The following SH3RF3 variants were observed in gnomAD, a reference collection of about 807,000 sequenced individuals.
SH3RF3 encodes the protein SH3 domain containing ring finger 3.
A neutral mutation model predicts 66.3 loss-of-function variants in SH3RF3; 29 were observed. The observed-to-expected ratio is 0.44, with a 90% CI of 0.33 to 0.60. The LOEUF (loss-of-function observed/expected upper bound fraction) is 0.60. SH3RF3 is among the 20% of genes least tolerant of loss of function. The pLI, the probability that SH3RF3 is intolerant of heterozygous loss-of-function variation, is 0.04. For synonymous variants in SH3RF3, 583 were observed against 532.0 expected (o/e 1.10, Z -1.32); for missense variants, 1,194 against 1,190.9 (o/e 1.00, Z -0.04).
intron 1 of SH3RF3, among the ~76,000 whole-genome samples, chr2:109,234,324 G>A (rs1297515079): frequency 6.6e-6 from 1 of 152,214 alleles, no homozygotes; most frequent in South Asian, 2.1e-4. Context: ...GTTAGATGAA[G>A]TGAAACTGTT....
intron 1 of SH3RF3, among the ~76,000 whole-genome samples, chr2:109,343,786 C>G: frequency 6.6e-6 from 1 of 151,818 alleles, no homozygotes; most frequent in Non-Finnish European, 1.5e-5. Context: ...GCCCTGTCAC[C>G]TAGGCTGGAG....
At chr2:109,158,370 G>A (rs1677401515) in intron 1 of SH3RF3, among the ~76,000 whole-genome samples, 1 of 152,204 alleles carries the variant, frequency 6.6e-6, no homozygotes, top group Non-Finnish European at 1.5e-5. Flanking sequence ...ATCCTGGGGA[G>A]AATCCAGTGT....
chr2:109,418,658 T>G (rs1457585786), intron 4 of SH3RF3, among the ~76,000 whole-genome samples: 1 of 152,190 alleles, frequency 6.6e-6, no homozygotes, highest in Non-Finnish European at 1.5e-5. Context: ...TTACCTCATA[T>G]CTGCAAAGAC....
Position 109,190,626 on chromosome 2 carries a change from C to T in SH3RF3, c.573+60513C>T, listed in dbSNP as rs556228858. Among the ~76,000 whole-genome samples, 10 of 152,192 alleles carry T rather than the reference C, an allele frequency of 6.6e-5. No homozygotes were observed. The South Asian group carries it at 1.0e-3, about 16-fold the overall frequency. ...CCCATTGCAACTAATTATATTGCAG[C>T]GACTTGGTGAAAATCTTTCTTATTG... On this transcript the variant is annotated intron_variant, in intron 1 of 9. Transcript: ENST00000309415.
chr2:109,173,035 C>A (rs548161994), intron 1 of SH3RF3, among the ~76,000 whole-genome samples: 1 of 152,282 alleles, frequency 6.6e-6, no homozygotes, highest in South Asian at 2.1e-4. Flanking sequence ...GTTGGTCATC[C>A]CTGGGTGGTG....
At chr2:109,372,994 T>C (rs1683307804) in intron 3 of SH3RF3, among the ~76,000 whole-genome samples, 1 of 152,230 alleles carries the variant, frequency 6.6e-6, no homozygotes, top group African/African-American at 2.4e-5. Flanking sequence ...CCATAGTCTA[T>C]TTTGCAGCCT....
intron 1 of SH3RF3, among the ~76,000 whole-genome samples, chr2:109,282,244 A>G (rs993375102): frequency 1.3e-5 from 2 of 152,112 alleles, no homozygotes; most frequent in Admixed American, 6.5e-5. Context: ...ACATTAATGT[A>G]GGGAGATATT....
At chr2:109,406,192 T>C (rs967649127) in intron 4 of SH3RF3, among the ~76,000 whole-genome samples, 7 of 152,160 alleles carry the variant, frequency 4.6e-5, no homozygotes, top group African/African-American at 1.7e-4. Context: ...ATCATTCACA[T>C]GTCAGTGCTC....
chr2:109,199,624 G>GATTCAACCCA (rs1678608839), intron 1 of SH3RF3, among the ~76,000 whole-genome samples: 1 of 104 alleles, frequency 9.6e-3, no homozygotes, highest in Admixed American at 0.083. Context: ...GAATGGAATG[G>GATTCAACCCA]AATGGAATGG....
At chr2:109,460,295 A>G (rs11680908) in intron 8 of SH3RF3, among the ~76,000 whole-genome samples, 11,382 of 152,250 alleles carry the variant, frequency 0.075, 499 homozygotes, top group African/African-American at 0.11. Context: ...ACAAAACACC[A>G]TTGCCCCTTC....
At chr2:109,248,877 TTCCTGTCCTTTCCTGTCCTG>T (rs1558980672) in intron 1 of SH3RF3, among the ~76,000 whole-genome samples, 1 of 76,734 alleles carries the variant, frequency 1.3e-5, no homozygotes, top group Non-Finnish European at 2.6e-5. Flanking sequence ...TTCCTTTCCT[TTCCTGTCCTTTCCTGTCCTG>T]TCCTGTCCTG....
chr2:109,171,597 C>T (rs1246580310), intron 1 of SH3RF3, among the ~76,000 whole-genome samples: 1 of 152,210 alleles, frequency 6.6e-6, no homozygotes, highest in African/African-American at 2.4e-5. Context: ...CTTCTCGCCG[C>T]CCCTGGTCTG....
Position 109,201,261 on chromosome 2 carries a change from C to T in SH3RF3, c.573+71148C>T, listed in dbSNP as rs74569923. 7.9e-3 allele frequency among the ~76,000 whole-genome samples: 1,205 copies of T among 152,370 alleles called. 11 individuals are homozygous for T. The highest frequency in any genetic ancestry group is 0.036 in the East Asian group (187 of 5,184). ...CTCATTTTGCAAAGTGAAAATTTTG[C>T]TGGCCTTGTATTTGAAGCCTTTCAC... On this transcript the variant is annotated intron_variant, in intron 1 of 9. Transcript: ENST00000309415.
At chr2:109,174,230 G>A (rs1178854350) in intron 1 of SH3RF3, among the ~76,000 whole-genome samples, 1 of 152,222 alleles carries the variant, frequency 6.6e-6, no homozygotes, top group Non-Finnish European at 1.5e-5. Flanking sequence ...GAGTAAGGTG[G>A]ACATCACAGT....
chr2:109,302,661 T>C (rs10173158), intron 1 of SH3RF3, among the ~76,000 whole-genome samples: 43,778 of 152,162 alleles, frequency 0.29, 8,572 homozygotes, highest in African/African-American at 0.55. Flanking sequence ...CGGGATGGCG[T>C]GACCTCTGGA....
At chr2:109,132,130 G>A (rs1676712341) in intron 1 of SH3RF3, among the ~76,000 whole-genome samples, 1 of 152,172 alleles carries the variant, frequency 6.6e-6, no homozygotes, top group Non-Finnish European at 1.5e-5. Context: ...GTTGCATGTT[G>A]TTTAATAGAG....
At chr2:109,373,592 G>GCACA (rs1683321114) in intron 3 of SH3RF3, among the ~76,000 whole-genome samples, 1 of 152,000 alleles carries the variant, frequency 6.6e-6, no homozygotes, top group Non-Finnish European at 1.5e-5. Context: ...AGGTTCAAAA[G>GCACA]CAGACAGAAC....
rs202018766 is a variant in SH3RF3 at position 109,296,400 on chromosome 2, TG to T, written c.574-51273del. Among the ~76,000 whole-genome samples, 343 of 149,586 alleles carry T rather than the reference TG, an allele frequency of 2.3e-3. 1 individual carries two copies. Among genetic ancestry groups the T allele is most frequent in the African/African-American group, 8.3e-3 (326 of 39,236 alleles). On this transcript the variant is annotated intron_variant, in intron 1 of 9. Transcript: ENST00000309415. ...GCACCACCACACCCAGTTTTTTTTT[TG>T]TGTGTGTGTTTTTTATTGTTAGTAG...
At chr2:109,247,964 C>T (rs1679957705) in intron 1 of SH3RF3, among the ~76,000 whole-genome samples, 1 of 152,132 alleles carries the variant, frequency 6.6e-6, no homozygotes, top group Non-Finnish European at 1.5e-5. Flanking sequence ...TTTTAAACCT[C>T]CATCTGCATC....
Sources: allele counts gnomAD v4.1 joint callset (sites outside exome capture counted in the v4.1 genomes callset), GRCh38; gene constraint gnomAD v4.1.1; transcripts MANE v1.5; gene names NCBI Gene and HGNC (gene_info 2026-07-23, HGNC 2026-07-21).